Variants in H2BC18 observed in about 807,000 individuals in gnomAD.
H2BC18 encodes the protein histone H2B type 2-F.
A neutral mutation model predicts 6.3 loss-of-function variants in H2BC18; 8 were observed. The observed-to-expected ratio is 1.28, with a 90% CI of 0.75 to 2.31. The LOEUF is 2.31. Among genes scored for constraint, H2BC18 ranks in the 30% most tolerant of loss-of-function variants. The pLI is 0.00. For missense variants in H2BC18, 106 were observed against 174.5 expected, an observed-to-expected ratio of 0.61 and a Z score of 2.21; for synonymous variants, 104 against 78.1, an observed-to-expected ratio of 1.33 and a Z score of -1.75.
chr1:149,806,231 A>C (rs2091915534), intron 1 of H2BC18, among the ~76,000 whole-genome samples: 1 of 152,112 alleles, frequency 6.6e-6, no homozygotes, highest in Non-Finnish European at 1.5e-5. Context: ...TTTTATGGAT[A>C]TCAGTCTCAT....
chr1:149,799,298 G>C (rs2091835066), intron 1 of H2BC18, among the ~76,000 whole-genome samples: 1 of 151,604 alleles, frequency 6.6e-6, no homozygotes, highest in African/African-American at 2.4e-5. Context: ...CAAATGAGTT[G>C]GATGTAAATT....
chr1:149,804,134 A>T (rs1402506111), intron 1 of H2BC18, among the ~76,000 whole-genome samples: 49 of 152,216 alleles, frequency 3.2e-4, no homozygotes, highest in African/African-American at 1.2e-3. Context: ...GATAATTTCT[A>T]TTCCCTTGAC....
At chr1:149,806,446 G>A (rs1489326810) in intron 1 of H2BC18, among the ~76,000 whole-genome samples, 1 of 152,128 alleles carries the variant, frequency 6.6e-6, no homozygotes, top group East Asian at 1.9e-4. Flanking sequence ...AAATTAGCTG[G>A]GTATGGTGGC....
At chr1:149,799,454 A>G (rs1182714518) in intron 1 of H2BC18, among the ~76,000 whole-genome samples, 2 of 152,154 alleles carry the variant, frequency 1.3e-5, no homozygotes, top group African/African-American at 2.4e-5. Flanking sequence ...CTAAGGATGT[A>G]TGTATGCATT....
intron 1 of H2BC18, among the ~76,000 whole-genome samples, chr1:149,806,779 G>A (rs1185383869): frequency 2.0e-5 from 3 of 152,168 alleles, no homozygotes; most frequent in African/African-American, 7.2e-5. Context: ...GAGCCTTTGA[G>A]AAAAGGAAAT....
At chr1:149,793,898 C>T (rs2091769184) in intron 1 of H2BC18, 1 of 1,286,268 alleles carries the variant, frequency 7.8e-7, no homozygotes, top group Non-Finnish European at 1.0e-6. Flanking sequence ...TGGGTCCATT[C>T]TGGATCTTTC....
chr1:149,795,774 ACT>A (rs1454445600), intron 1 of H2BC18, among the ~76,000 whole-genome samples: 39 of 150,196 alleles, frequency 2.6e-4, no homozygotes, highest in African/African-American at 1.7e-4. Flanking sequence ...TAAAAACCCC[ACT>A]CTGTCTTTGT....
chr1:149,808,565 G>A (rs587765439), downstream of H2BC18, among the ~76,000 whole-genome samples: 20 of 152,158 alleles, frequency 1.3e-4, no homozygotes, highest in African/African-American at 4.6e-4. Context: ...TTATTAAAGA[G>A]ATAAACTAAA....
chr1:149,799,873 C>T (rs1444639759), intron 1 of H2BC18, among the ~76,000 whole-genome samples: 3 of 152,164 alleles, frequency 2.0e-5, no homozygotes, highest in African/African-American at 7.2e-5. Flanking sequence ...AGAAGACTGA[C>T]GGCGGAGGGG....
chr1:149,808,507 T>C (rs587703502), downstream of H2BC18, among the ~76,000 whole-genome samples: 143 of 152,318 alleles, frequency 9.4e-4, 1 homozygote, highest in African/African-American at 3.4e-3. Context: ...CATCTTTGTA[T>C]CCTCTAGCTC....
At chr1:149,785,618 ACT>A (rs1559743357) in intron 1 of H2BC18, 1 of 151,358 alleles carries the variant, frequency 6.6e-6, no homozygotes, top group African/African-American at 2.4e-5. Flanking sequence ...CTCTACACAG[ACT>A]CTAGGACACT....
At chr1:149,800,408 A>G (rs1345025990) in intron 1 of H2BC18, among the ~76,000 whole-genome samples, 1 of 149,600 alleles carries the variant, frequency 6.7e-6, no homozygotes, top group African/African-American at 2.5e-5. Context: ...CGGAAGTTGG[A>G]GGTGGGCTGA....
chr1:149,792,091 A>AC (rs2101421594), intron 1 of H2BC18: 1 of 150,082 alleles, frequency 6.7e-6, no homozygotes, highest in South Asian at 2.0e-4. Context: ...CAAGGGGGTA[A>AC]CTCATGATGA....
At position 149,784,511 on chromosome 1, in the gene H2BC18, A is replaced by G. The variant is rs149288410; in HGVS notation, c.378-1251T>C. 2.5e-3 allele frequency among the ~76,000 whole-genome samples: 386 copies of G among 152,260 alleles called. 1 individual carries two copies. The highest frequency in any genetic ancestry group is 8.9e-3 in the African/African-American group (368 of 41,552). ...AAGACTTAGGCCCTAAGATTGTATC[A>G]TTATTCCAAATGTATGCCTGTACAT... is the stretch of plus-strand genomic sequence containing the variant. On this transcript the variant is annotated intron_variant, in intron 1 of 1. Coordinates refer to the H2BC18 transcript ENST00000545683.
chr1:149,807,359 G>T (rs2091926861), downstream of H2BC18, among the ~76,000 whole-genome samples: 1 of 151,896 alleles, frequency 6.6e-6, no homozygotes, highest in Non-Finnish European at 1.5e-5. Flanking sequence ...CAAGCATGTG[G>T]CATGCACCTG....
intron 1 of H2BC18, chr1:149,803,644 G>T (rs1159659556): frequency 1.3e-5 from 2 of 152,186 alleles, no homozygotes; most frequent in African/African-American, 4.8e-5. Flanking sequence ...AAATACTAAG[G>T]AACTGCTTAA....
intron 1 of H2BC18, among the ~76,000 whole-genome samples, chr1:149,802,667 T>C (rs587721320): frequency 2.0e-5 from 3 of 152,282 alleles, no homozygotes; most frequent in Admixed American, 2.0e-4. Flanking sequence ...AAGCCAGTAG[T>C]GGTTCAGTCT....
chr1:149,792,658 G>A (rs1553752148), intron 1 of H2BC18: 1 of 1,277,014 alleles, frequency 7.8e-7, no homozygotes, highest in Non-Finnish European at 1.0e-6. Context: ...CCTGTATCTG[G>A]GGGCCGCAGC....
intron 1 of H2BC18, chr1:149,805,401 C>T (rs1553753786): frequency 6.6e-6 from 1 of 152,122 alleles, no homozygotes; most frequent in East Asian, 1.9e-4. Context: ...AGATTCCTGG[C>T]AGTTAATGTC....
Sources: gnomAD v4.1 joint callset for allele counts (sites outside exome capture counted in the v4.1 genomes callset) on GRCh38, gnomAD v4.1.1 for gene constraint, MANE v1.5 for transcripts, NCBI Gene and HGNC (gene_info 2026-07-23, HGNC 2026-07-21) for gene names.